Variants in RBFOX1 observed in about 807,000 individuals in gnomAD.
RBFOX1 encodes RNA binding fox-1 homolog 1, also known as RNA binding protein fox-1 homolog 1.
In RBFOX1, 8 loss-of-function variants were observed where a neutral mutation model predicts 57.7. That is an observed-to-expected ratio of 0.14 (90% confidence interval 0.08 to 0.25). The LOEUF (loss-of-function observed/expected upper bound fraction) is 0.25. RBFOX1 is among the 10% of genes least tolerant of loss of function. RBFOX1 has a pLI of 1.00. For missense variants in RBFOX1, 611 were observed against 548.5 expected (o/e 1.11, Z -1.14); for synonymous variants, 326 against 222.4 (o/e 1.47, Z -4.15).
At chr16:7,381,604 G>C (rs2097783211) in intron 4 of RBFOX1, among the ~76,000 whole-genome samples, 1 of 151,634 alleles carries the variant, frequency 6.6e-6, no homozygotes, top group African/African-American at 2.4e-5. Context: ...TTCTTTTTCA[G>C]TGTTATTCAT....
chr16:5,633,966 C>T (rs1159000339), intron 3 of RBFOX1, among the ~76,000 whole-genome samples: 2 of 152,158 alleles, frequency 1.3e-5, no homozygotes, highest in Non-Finnish European at 2.9e-5. Context: ...TCACGATGCC[C>T]ATTTGAAGGC....
chr16:7,251,513 T>A (rs1435016017), intron 4 of RBFOX1, among the ~76,000 whole-genome samples: 1 of 150,332 alleles, frequency 6.7e-6, no homozygotes, highest in East Asian at 2.0e-4. Flanking sequence ...TGGGTTCAAG[T>A]GATTTTCCTG....
chr16:6,965,558 A>T (rs767461866), intron 3 of RBFOX1, among the ~76,000 whole-genome samples: 3 of 152,114 alleles, frequency 2.0e-5, no homozygotes, highest in Non-Finnish European at 4.4e-5. Context: ...GCTGGTGTCA[A>T]ACTCCGGACC....
chr16:7,216,318 C>A (rs892953119), intron 4 of RBFOX1, among the ~76,000 whole-genome samples: 4 of 140,944 alleles, frequency 2.8e-5, no homozygotes, highest in Non-Finnish European at 6.3e-5. Flanking sequence ...TTTGACTTGT[C>A]TAAGCCACTG....
At chr16:6,215,881 A>G (rs2097332820) in intron 1 of RBFOX1, among the ~76,000 whole-genome samples, 1 of 152,164 alleles carries the variant, frequency 6.6e-6, no homozygotes. Flanking sequence ...TGCCCACTGA[A>G]AGGATCCACA....
intron 4 of RBFOX1, among the ~76,000 whole-genome samples, chr16:7,488,281 C>T (rs190082033): frequency 6.6e-6 from 1 of 152,170 alleles, no homozygotes; most frequent in Non-Finnish European, 1.5e-5. Flanking sequence ...GATGGCTGTG[C>T]AGTTTCCCTT....
At position 6,193,646 on chromosome 16, in the gene RBFOX1, G is replaced by A. The variant is rs139189440; in HGVS notation, c.-126-123349G>A. On this transcript the variant is annotated intron_variant, in intron 1 of 15. Coordinates refer to ENST00000550418, the MANE Select transcript of RBFOX1 (RefSeq NM_018723.4). ...CATTCAGTGACTTGGGCAGCAGTGA[G>A]TGTGCAGTAAATGCTAAACATTTTG... is the stretch of plus-strand genomic sequence containing the variant. Among the ~76,000 whole-genome samples the A allele has an allele frequency of 1.5e-4, 23 of 151,982 alleles. No individual in the cohort carries two copies. The East Asian group carries it at 3.9e-3, about 26-fold the overall frequency.
chr16:5,782,211 A>G (rs1199537791), intron 3 of RBFOX1, among the ~76,000 whole-genome samples: 2 of 152,252 alleles, frequency 1.3e-5, no homozygotes, highest in Non-Finnish European at 2.9e-5. Context: ...ACTCAAGCAC[A>G]GAAACACATT....
At chr16:6,902,901 C>T (rs951226009) in intron 3 of RBFOX1, among the ~76,000 whole-genome samples, 2 of 152,034 alleles carry the variant, frequency 1.3e-5, no homozygotes, top group African/African-American at 4.8e-5. Context: ...TACTTTAGGC[C>T]AAGTATTGAA....
At chr16:7,583,386 A>G (rs1023611390) in intron 6 of RBFOX1, among the ~76,000 whole-genome samples, 1 of 152,166 alleles carries the variant, frequency 6.6e-6, no homozygotes, top group East Asian at 1.9e-4. Flanking sequence ...ATGAGCATGC[A>G]TTTTCTTTAC....
chr16:6,436,392 C>G (rs140757791), intron 2 of RBFOX1, among the ~76,000 whole-genome samples: 114 of 152,190 alleles, frequency 7.5e-4, no homozygotes, highest in African/African-American at 2.5e-3. Context: ...CTGTCCTGTG[C>G]TAGGCTCTTG....
intron 4 of RBFOX1, among the ~76,000 whole-genome samples, chr16:5,886,898 A>G (rs757500836): frequency 3.3e-5 from 5 of 152,080 alleles, no homozygotes; most frequent in African/African-American, 7.2e-5. Context: ...AAACAAACAA[A>G]TCATCTCTTC....
At chr16:6,973,551 A>G (rs979219499) in intron 3 of RBFOX1, among the ~76,000 whole-genome samples, 4 of 152,140 alleles carry the variant, frequency 2.6e-5, no homozygotes, top group East Asian at 1.9e-4. Context: ...TTCTGTTTGG[A>G]GAGTCTGTTT....
intron 4 of RBFOX1, among the ~76,000 whole-genome samples, chr16:7,212,498 C>A (rs2091331122): frequency 6.6e-6 from 1 of 152,136 alleles, no homozygotes; most frequent in African/African-American, 2.4e-5. Context: ...ATCAGGTACA[C>A]CCTAGAGTGG....
At chr16:7,033,336 A>G (rs1008762306) in intron 3 of RBFOX1, among the ~76,000 whole-genome samples, 10 of 152,190 alleles carry the variant, frequency 6.6e-5, no homozygotes, top group African/African-American at 2.4e-4. Flanking sequence ...CCTGGCTGAC[A>G]TGGTGAAACC....
intron 3 of RBFOX1, among the ~76,000 whole-genome samples, chr16:6,673,732 A>G (rs537134897): frequency 1.3e-5 from 2 of 152,244 alleles, no homozygotes; most frequent in Admixed American, 6.5e-5. Context: ...GCTATGGACA[A>G]AGGCAAGGAC....
intron 3 of RBFOX1, among the ~76,000 whole-genome samples, chr16:6,964,247 G>C (rs187945667): frequency 3.9e-4 from 59 of 151,320 alleles, no homozygotes; most frequent in Non-Finnish European, 6.2e-4. Flanking sequence ...TCGAACTGCT[G>C]ATCTCAAGTG....
rs560255947 is a variant in RBFOX1, at chr16:7,201,870, G to A, written c.27+149772G>A. Among the ~76,000 whole-genome samples, 3 of 152,284 alleles carry A rather than the reference G, an allele frequency of 2.0e-5. No homozygotes were observed. In the South Asian group the frequency reaches 6.2e-4, roughly 32 times the overall value. ...AGTGACTGTAGACTGTAGATCAGAG[G>A]GAGTATTGATGGTGGGGTAGACTTA... is the stretch of plus-strand genomic sequence containing the variant. On this transcript the variant is annotated intron_variant, in intron 4 of 15. Coordinates refer to ENST00000550418, the MANE Select transcript of RBFOX1 (RefSeq NM_018723.4).
chr16:6,256,197 G>GTGTATA (rs2097662934), intron 1 of RBFOX1, among the ~76,000 whole-genome samples: 2 of 45,346 alleles, frequency 4.4e-5, no homozygotes, highest in South Asian at 8.3e-4. Flanking sequence ...GTATATATAT[G>GTGTATA]TATATGTATA....
Sources: allele counts gnomAD v4.1 joint callset (sites outside exome capture counted in the v4.1 genomes callset), GRCh38; gene constraint gnomAD v4.1.1; transcripts MANE v1.5; gene names NCBI Gene and HGNC (gene_info 2026-07-23, HGNC 2026-07-21).